The following CAMSAP2 variants were observed in gnomAD, a reference collection of about 807,000 sequenced individuals.
The protein encoded by CAMSAP2 is calmodulin regulated spectrin associated protein family member 2.
Under a neutral mutation model 146.1 loss-of-function variants are expected in CAMSAP2, and 26 were observed. That is an observed-to-expected ratio of 0.18 (90% CI 0.13 to 0.25). CAMSAP2 has a LOEUF of 0.25. Ranked by LOEUF, CAMSAP2 falls within the 10% of genes least tolerant of loss-of-function variation. CAMSAP2 has a pLI of 1.00. For synonymous variants in CAMSAP2, 499 were observed against 596.6 expected, an observed-to-expected ratio of 0.84 and a Z score of 2.38; for missense variants, 1,381 against 1,759.3, an observed-to-expected ratio of 0.78 and a Z score of 3.85.
At chr1:200,823,262 G>A (rs1237947249) in intron 4 of CAMSAP2, among the ~76,000 whole-genome samples, 1 of 151,968 alleles carries the variant, frequency 6.6e-6, no homozygotes, top group Admixed American at 6.6e-5. Flanking sequence ...ATATGTAATG[G>A]GTTATAATCA....
At chr1:200,846,531 G>C (rs1404087787) in intron 8 of CAMSAP2, among the ~76,000 whole-genome samples, 1 of 152,048 alleles carries the variant, frequency 6.6e-6, no homozygotes, top group African/African-American at 2.4e-5. Flanking sequence ...TTATTGTGTA[G>C]CCATTATTCT....
At chr1:200,768,899 A>T in intron 2 of CAMSAP2, among the ~76,000 whole-genome samples, 1 of 151,926 alleles carries the variant, frequency 6.6e-6, no homozygotes, top group East Asian at 1.9e-4. Context: ...TGATCCACCC[A>T]CCCTGGCCTC....
chr1:200,807,357 T>A lies in CAMSAP2; in HGVS notation c.400-19T>A. The stretch of plus-strand genomic sequence containing the variant: ...TAAATATAATTTTTAAACTATTTGT[T>A]CTTGTTTTATATTTTCAGAGTGCAC... On this transcript the variant is annotated intron_variant, in intron 2 of 16. Coordinates refer to ENST00000358823, the MANE Select transcript of CAMSAP2 (RefSeq NM_203459.4). 1.4e-6 allele frequency: 2 copies of A among 1,471,064 alleles called. No individual in the cohort carries two copies. Among genetic ancestry groups the A allele is most frequent in the South Asian group, 1.5e-5 (1 of 66,894 alleles). The allele number at this position is 1,471,064 out of a possible 1,614,324, so 91.1% of individuals were successfully genotyped here.
At position 200,850,027 on chromosome 1, in the gene CAMSAP2, T is replaced by C. The variant is rs1420212318; in HGVS notation, c.3258T>C (p.Asn1086=). ...CAGAGACTGTATGTCTGACACCAAA[T>C]GAGGACCAATTGAATCAACCCACAG... ...PVTETVCLTP[N]EDQLNQPTEP... Residue 1086 remains asparagine (N), a synonymous_variant, in exon 11 of 17, where the codon AAT becomes AAC. Coordinates refer to ENST00000358823, the MANE Select transcript of CAMSAP2 (RefSeq NM_203459.4). 6.2e-7 allele frequency: 1 copy of C among 1,613,328 alleles called. No homozygotes were observed.
Position 200,739,789 on chromosome 1 carries a change from A to T in CAMSAP2, c.-39A>T. ...GTGGTGGCGAGGCCACGCCATGTGA[A>T]GGTTAGGGCCGGGACATCCCGAGGA... On this transcript the variant is annotated 5_prime_UTR_variant, in exon 1 of 17. In the 5' UTR this introduces an upstream ATG that the reference lacks. Coordinates refer to ENST00000358823, the MANE Select transcript of CAMSAP2 (RefSeq NM_203459.4). The surrounding 1 kb of genome is among the most constrained non-coding windows in gnomAD (Gnocchi z 4.8). 1 of 1,596,386 alleles carries T rather than the reference A, an allele frequency of 6.3e-7. No individual in the cohort carries two copies. The highest frequency in any genetic ancestry group is 8.5e-7 in the Non-Finnish European group (1 of 1,169,756).
intron 3 of CAMSAP2, among the ~76,000 whole-genome samples, chr1:200,809,490 C>T (rs758580725): frequency 6.6e-6 from 1 of 152,198 alleles, no homozygotes; most frequent in Non-Finnish European, 1.5e-5. Context: ...GTAATCCCAG[C>T]ACTTTGGGAG....
chr1:200,782,782 CTTTTTTTT>C (rs57995961), intron 2 of CAMSAP2, among the ~76,000 whole-genome samples: 96 of 72,290 alleles, frequency 1.3e-3, no homozygotes, highest in African/African-American at 4.0e-3. Context: ...TCATTTCTCT[CTTTTTTTT>C]TTTTTTTTTT....
Position 200,849,822 on chromosome 1 carries a change from C to A in CAMSAP2, c.3053C>A (p.Ser1018Ter). Residue 1018 changes from serine (S) to a stop codon, truncating the protein, a stop_gained, in exon 11 of 17, where the codon TCA becomes TAA. Transcript: ENST00000358823. LOFTEE classifies it high-confidence loss of function. The surrounding 1 kb of genome is among the most constrained non-coding windows in gnomAD (Gnocchi z 6.3). ...SPSQVPIQTR[S>*]FVCFGDDGEP... Reference sequence around the variant, plus strand: ...AGTCAAGTTCCTATTCAAACTAGGTCATTTGTATGTTTTGGGGATGATGGA... The same window carrying A: ...AGTCAAGTTCCTATTCAAACTAGGTAATTTGTATGTTTTGGGGATGATGGA... 6.2e-7 allele frequency: 1 copy of A among 1,614,074 alleles called. No homozygotes were observed. The highest frequency in any genetic ancestry group is 1.1e-5 in the South Asian group (1 of 91,062).
At position 200,807,487 on chromosome 1, in the gene CAMSAP2, A is replaced by G; in HGVS notation, c.511A>G (p.Thr171Ala). The G allele has an allele frequency of 6.2e-7, 1 of 1,612,678 alleles. No individual in the cohort carries two copies. The highest frequency in any genetic ancestry group is 8.5e-7 in the Non-Finnish European group (1 of 1,179,328). The change falls in exon 3 of 17, where the codon ACA becomes GCA. Residue 171 changes from threonine (T) to alanine (A), a missense_variant. Thr to Ala is a moderately conservative substitution (Grantham distance 58). Around this residue, in one of 4 missense-constraint regions of CAMSAP2, gnomAD observed 284 missense variants for 406.9 expected, o/e 0.70. Transcript: ENST00000358823. The part of the protein sequence containing the change: ...AQQYSAFFQA[T>A]DLPYDIEDAV... Reference sequence around the variant, plus strand: ...GCAGTATTCAGCTTTTTTTCAAGCCACAGATCTGCCCTATGATATTGAGGA... The same window carrying G: ...GCAGTATTCAGCTTTTTTTCAAGCCGCAGATCTGCCCTATGATATTGAGGA...
chr1:200,775,750 C>G (rs923746974), intron 2 of CAMSAP2, among the ~76,000 whole-genome samples: 2 of 152,078 alleles, frequency 1.3e-5, no homozygotes, highest in African/African-American at 4.8e-5. Context: ...AGGCTGGTCT[C>G]GAACTCCTGA....
intron 2 of CAMSAP2, among the ~76,000 whole-genome samples, chr1:200,798,792 T>C (rs1430101300): frequency 2.0e-5 from 3 of 146,944 alleles, no homozygotes; most frequent in East Asian, 4.0e-4. Context: ...CAGTATGATA[T>C]TGGCTGTGGG....
At chr1:200,810,445 G>A (rs920890852) in intron 3 of CAMSAP2, among the ~76,000 whole-genome samples, 2 of 151,874 alleles carry the variant, frequency 1.3e-5, no homozygotes, top group Non-Finnish European at 2.9e-5. Context: ...GTATGGTGGC[G>A]GGTGCCTGTA....
intron 2 of CAMSAP2, among the ~76,000 whole-genome samples, chr1:200,804,553 T>C (rs1666123976): frequency 1.3e-5 from 2 of 152,178 alleles, no homozygotes; most frequent in African/African-American, 4.8e-5. Context: ...TTTTCCCACA[T>C]TTTAATCCAA....
Position 200,858,993 on chromosome 1 carries a change from T to C in CAMSAP2, c.*934T>C, listed in dbSNP as rs1358298205. 1.3e-5 allele frequency: 2 copies of C among 152,376 alleles called. No homozygotes were observed. Among genetic ancestry groups the C allele is most frequent in the Admixed American group, 1.3e-4 (2 of 15,276 alleles). 9.4% of individuals were successfully genotyped at this position (152,376 alleles called of 1,614,324 possible). ...AACAAGTTCTCAAGAAGTCTTTACA[T>C]TATATTTATAACTCATATAAAAATT... On this transcript the variant is annotated 3_prime_UTR_variant, in exon 17 of 17. Coordinates refer to ENST00000358823, the MANE Select transcript of CAMSAP2 (RefSeq NM_203459.4).
chr1:200,808,995 ACACAAGGAAGT>A (rs1666253287), intron 3 of CAMSAP2, among the ~76,000 whole-genome samples: 3 of 152,236 alleles, frequency 2.0e-5, no homozygotes, highest in African/African-American at 7.2e-5. Flanking sequence ...GGAGAAATTT[ACACAAGGAAGT>A]TGGTTTCACT....
chr1:200,765,940 G>A (rs1449132949), intron 2 of CAMSAP2, among the ~76,000 whole-genome samples: 1 of 152,152 alleles, frequency 6.6e-6, no homozygotes, highest in Admixed American at 6.5e-5. Context: ...GTTAGATAAT[G>A]AGGAGGCTGT....
At chr1:200,745,045 AG>A (rs1404757552) in intron 1 of CAMSAP2, among the ~76,000 whole-genome samples, 1 of 152,190 alleles carries the variant, frequency 6.6e-6, no homozygotes, top group Non-Finnish European at 1.5e-5. Context: ...TATTCTTGTA[AG>A]CGTTTTATAT....
chr1:200,817,165 C>CACATATAA (rs375085196), intron 4 of CAMSAP2, among the ~76,000 whole-genome samples: 7 of 68,038 alleles, frequency 1.0e-4, no homozygotes, highest in African/African-American at 1.5e-4. Context: ...CATACACACA[C>CACATATAA]GTGTGTGTAT....
Position 200,832,937 on chromosome 1 carries a change from T to G in CAMSAP2, c.927+92T>G. The stretch of plus-strand genomic sequence containing the variant: ...AACACCGGGAACAGTGGCTCATGCC[T>G]GTAATCCCAGTACTTTGGGAGGACA... On this transcript the variant is annotated intron_variant, in intron 6 of 16. Transcript: ENST00000358823. The surrounding 1 kb of genome is among the most constrained non-coding windows in gnomAD (Gnocchi z 4.2). 8.8e-7 allele frequency: 1 copy of G among 1,141,038 alleles called. No individual in the cohort carries two copies. 70.7% of individuals were successfully genotyped at this position (1,141,038 alleles called of 1,614,324 possible).
Sources: gnomAD v4.1 joint callset for allele counts (sites outside exome capture counted in the v4.1 genomes callset) on GRCh38, gnomAD v4.1.1 for gene constraint, gnomAD v4.1.1 regional missense constraint, Gnocchi (gnomAD v3.1) non-coding constraint, MANE v1.5 for transcripts, NCBI Gene and HGNC (gene_info 2026-07-23, HGNC 2026-07-21) for gene names.